EFCAB13: variants seen among roughly 807,000 people sequenced by gnomAD.
EFCAB13 encodes EF-hand calcium binding domain 13.
A neutral mutation model predicts 110.2 loss-of-function variants in EFCAB13; 91 were observed. The observed-to-expected ratio is 0.83, with a 90% CI of 0.70 to 0.98. The LOEUF is 0.98. Ranked by LOEUF, EFCAB13 falls within the 50% of genes least tolerant of loss-of-function variation. The pLI is 0.00. For synonymous variants in EFCAB13, 323 were observed against 369.9 expected (o/e 0.87, Z 1.45); for missense variants, 968 against 1,119.4 (o/e 0.86, Z 1.93).
At chr17:47,325,182 T>TA (rs979591739) in intron 2 of EFCAB13, among the ~76,000 whole-genome samples, 277 of 146,308 alleles carry the variant, frequency 1.9e-3, no homozygotes, top group Non-Finnish European at 2.8e-3. Flanking sequence ...TCCAGCTGAT[T>TA]AAAAAAAAAA....
chr17:47,432,399 AAAATAAAT>A (rs60375757), intron 24 of EFCAB13, among the ~76,000 whole-genome samples: 321 of 138,538 alleles, frequency 2.3e-3, no homozygotes, highest in African/African-American at 7.0e-3. Flanking sequence ...ATCCATCTCA[AAAATAAAT>A]AAATAAATAA....
intron 5 of EFCAB13, among the ~76,000 whole-genome samples, chr17:47,337,160 A>C (rs911409086): frequency 7.2e-5 from 11 of 152,210 alleles, no homozygotes; most frequent in African/African-American, 2.7e-4. Context: ...AAGAAAAGGA[A>C]GGTCGTGGGA....
At chr17:47,400,988 G>A (rs2065775868) in intron 17 of EFCAB13, among the ~76,000 whole-genome samples, 1 of 152,192 alleles carries the variant, frequency 6.6e-6, no homozygotes, top group Non-Finnish European at 1.5e-5. Context: ...GGAATGGAAT[G>A]TACAAACACT....
chr17:47,419,978 C>A (rs139177451), intron 23 of EFCAB13, among the ~76,000 whole-genome samples: 3,231 of 152,108 alleles, frequency 0.021, 110 homozygotes, highest in East Asian at 0.18. Flanking sequence ...TCTCTTTCCA[C>A]GGTCTCCCTC....
intron 6 of EFCAB13, among the ~76,000 whole-genome samples, chr17:47,343,667 A>G (rs2065398376): frequency 6.6e-6 from 1 of 152,128 alleles, no homozygotes. Flanking sequence ...CTACTTTCCT[A>G]TCCACCTAGT....
chr17:47,439,184 T>TTG (rs1567810494), intron 24 of EFCAB13, among the ~76,000 whole-genome samples: 3 of 128,636 alleles, frequency 2.3e-5, no homozygotes, highest in African/African-American at 8.4e-5. Flanking sequence ...TTTTTTTTTT[T>TTG]TTTTTTTTTT....
In EFCAB13 at chr17:47,380,441, T is replaced by C. The variant is rs1344698571; in HGVS notation, c.1582+1188T>C. ...TTTGTTATGGCTGCATAGTAGTCCA[T>C]GGTGTATATGTGCCACATTTTCTTT... On this transcript the variant is annotated intron_variant, in intron 14 of 24. Transcript: ENST00000331493. 2.0e-5 allele frequency among the ~76,000 whole-genome samples: 3 copies of C among 152,352 alleles called. No individual in the cohort carries two copies. The East Asian group carries it at 5.8e-4, about 29-fold the overall frequency.
intron 8 of EFCAB13, among the ~76,000 whole-genome samples, chr17:47,347,340 A>G (rs959616235): frequency 6.6e-6 from 1 of 152,186 alleles, no homozygotes; most frequent in Non-Finnish European, 1.5e-5. Context: ...AAAGTGTAGT[A>G]TCCACTGAAC....
At chr17:47,374,270 T>C (rs1283163205) in intron 11 of EFCAB13, among the ~76,000 whole-genome samples, 1 of 152,214 alleles carries the variant, frequency 6.6e-6, no homozygotes, top group Non-Finnish European at 1.5e-5. Flanking sequence ...AATATGTAAA[T>C]ATATTAAAGC....
At chr17:47,395,081 C>T (rs2065729677) in intron 16 of EFCAB13, among the ~76,000 whole-genome samples, 1 of 152,108 alleles carries the variant, frequency 6.6e-6, no homozygotes, top group Non-Finnish European at 1.5e-5. Flanking sequence ...CACTTTTCTT[C>T]CTTATTTAGT....
chr17:47,439,171 G>GTTTTTTTTTTTTTTTTTTTTTT (rs71141908), intron 24 of EFCAB13, among the ~76,000 whole-genome samples: 2 of 73,868 alleles, frequency 2.7e-5, no homozygotes, highest in Non-Finnish European at 5.0e-5. Flanking sequence ...TCTTTGTTTT[G>GTTTTTTTTTTTTTTTTTTTTTT]TTTTTTTTTT....
At chr17:47,418,501 A>G (rs974884063) in intron 23 of EFCAB13, among the ~76,000 whole-genome samples, 1 of 152,246 alleles carries the variant, frequency 6.6e-6, no homozygotes, top group Non-Finnish European at 1.5e-5. Flanking sequence ...TATCAGGTAG[A>G]TAATTGCAAA....
At chr17:47,336,990 T>G (rs2065355063) in intron 5 of EFCAB13, among the ~76,000 whole-genome samples, 1 of 152,222 alleles carries the variant, frequency 6.6e-6, no homozygotes, top group Admixed American at 6.5e-5. Flanking sequence ...ACCTACACAT[T>G]GTGATTGGAG....
chr17:47,423,159 T>C (rs1904777309), intron 23 of EFCAB13, among the ~76,000 whole-genome samples: 1 of 152,100 alleles, frequency 6.6e-6, no homozygotes, highest in Non-Finnish European at 1.5e-5. Flanking sequence ...CCAGGACAAA[T>C]AGCAGAATGT....
At chr17:47,351,302 T>TGTGTGTGTGTGTGTGTGCGC (rs1555578752) in intron 9 of EFCAB13, among the ~76,000 whole-genome samples, 1 of 101,580 alleles carries the variant, frequency 9.8e-6, no homozygotes, top group Non-Finnish European at 2.4e-5. Flanking sequence ...TGTGTGTGTG[T>TGTGTGTGTGTGTGTGTGCGC]GTGCGCGCGC....
intron 6 of EFCAB13, among the ~76,000 whole-genome samples, chr17:47,343,175 G>A (rs1362409042): frequency 6.6e-6 from 1 of 152,062 alleles, no homozygotes; most frequent in African/African-American, 2.4e-5. Context: ...ATCTAAATCT[G>A]TGGGAATCTT....
chr17:47,344,020 C>T lies in EFCAB13; in HGVS notation c.304-142C>T, dbSNP rs1038666828. 5.4e-6 allele frequency: 5 copies of T among 929,910 alleles called. No homozygotes were observed. In the South Asian group the frequency reaches 1.2e-4, roughly 23 times the overall value. The allele number at this position is 929,910 out of a possible 1,614,324, so 57.6% of individuals were successfully genotyped here. On this transcript the variant is annotated intron_variant, in intron 6 of 24. Transcript: ENST00000331493. ...GTTTATATTAAATGTAATTTAATTA[C>T]AAAAGGCAATTTTACACCAGAAGCA...
intron 23 of EFCAB13, among the ~76,000 whole-genome samples, chr17:47,422,953 C>CA (rs1904772024): frequency 6.6e-6 from 1 of 152,120 alleles, no homozygotes; most frequent in Admixed American, 6.6e-5. Flanking sequence ...TTGTAAAACT[C>CA]ACGTTACTTT....
chr17:47,336,638 A>C, intron 5 of EFCAB13, among the ~76,000 whole-genome samples: 1 of 127,322 alleles, frequency 7.9e-6, no homozygotes, highest in Non-Finnish European at 1.6e-5. Context: ...ACGGGATTTC[A>C]CCATATTGGC....
Sources: allele counts gnomAD v4.1 joint callset (sites outside exome capture counted in the v4.1 genomes callset), GRCh38; gene constraint gnomAD v4.1.1; transcripts MANE v1.5; gene names NCBI Gene and HGNC (gene_info 2026-07-23, HGNC 2026-07-21).